DYNC1I1: variants seen among roughly 807,000 people sequenced by gnomAD.
DYNC1I1 encodes the protein cytoplasmic dynein 1 intermediate chain 1.
DYNC1I1 carries 43 observed loss-of-function variants against 86.6 expected under a neutral mutation model. That is an observed-to-expected ratio of 0.50 (90% CI 0.39 to 0.64). The LOEUF (loss-of-function observed/expected upper bound fraction) is 0.64. DYNC1I1 is among the 30% of genes least tolerant of loss of function. The pLI is 0.00. For synonymous variants in DYNC1I1, 262 were observed against 283.7 expected (o/e 0.92, Z 0.77); for missense variants, 604 against 788.8 (o/e 0.77, Z 2.81).
chr7:96,047,006 T>C (rs1178365338), intron 14 of DYNC1I1, among the ~76,000 whole-genome samples: 2 of 152,200 alleles, frequency 1.3e-5, no homozygotes, highest in Non-Finnish European at 2.9e-5. Flanking sequence ...AACAATAGTC[T>C]TTATTGCTCA....
intron 8 of DYNC1I1, among the ~76,000 whole-genome samples, chr7:95,985,911 C>G (rs745583227): frequency 2.6e-5 from 4 of 151,996 alleles, no homozygotes; most frequent in Non-Finnish European, 5.9e-5. Context: ...TATAGATGCT[C>G]TACAATCTTT....
chr7:96,002,205 C>A (rs1173090398), intron 10 of DYNC1I1, among the ~76,000 whole-genome samples: 2 of 152,184 alleles, frequency 1.3e-5, no homozygotes, highest in Non-Finnish European at 2.9e-5. Flanking sequence ...CATCACCTGA[C>A]TGGCTCCTCT....
chr7:95,802,996 A>C (rs1011137360), intron 1 of DYNC1I1, among the ~76,000 whole-genome samples: 3 of 152,090 alleles, frequency 2.0e-5, no homozygotes, highest in Non-Finnish European at 2.9e-5. Context: ...TACTCCACCA[A>C]ACCTTGGTTA....
chr7:95,833,693 G>T (rs1788989315), intron 5 of DYNC1I1, among the ~76,000 whole-genome samples: 1 of 149,964 alleles, frequency 6.7e-6, no homozygotes, highest in East Asian at 2.0e-4. Context: ...CACGTCCCTT[G>T]TAAGTTGGAT....
chr7:95,785,806 T>C (rs571040451), intron 1 of DYNC1I1, among the ~76,000 whole-genome samples: 2 of 103,138 alleles, frequency 1.9e-5, no homozygotes, highest in Admixed American at 9.6e-5. Flanking sequence ...TATATATATA[T>C]ATATATATAT....
At chr7:95,929,449 G>A (rs1283602153) in intron 6 of DYNC1I1, among the ~76,000 whole-genome samples, 1 of 152,112 alleles carries the variant, frequency 6.6e-6, no homozygotes, top group Non-Finnish European at 1.5e-5. Flanking sequence ...GGAGGCTAAA[G>A]CTTGTCATAT....
intron 16 of DYNC1I1, among the ~76,000 whole-genome samples, chr7:96,107,346 G>A (rs192439465): frequency 5.3e-4 from 80 of 151,512 alleles, no homozygotes; most frequent in African/African-American, 1.9e-3. Flanking sequence ...TCATTCATAC[G>A]TTTTGAAGGT....
rs1461596857 is a variant in DYNC1I1 at position 95,846,625 on chromosome 7, C to CTGTGTGTGTGTGTGTGTGTG, written c.374+18510_374+18511insGTGTGTGTGTGTGTGTGTGT. Among the ~76,000 whole-genome samples, 108 of 132,782 alleles carry CTGTGTGTGTGTGTGTGTGTG rather than the reference C, an allele frequency of 8.1e-4. 1 individual carries two copies. The highest frequency in any genetic ancestry group is 1.4e-3 in the Non-Finnish European group (86 of 62,022). The allele number at this position is 132,782 out of a possible 152,430, so 87.1% of individuals were successfully genotyped here. On this transcript the variant is annotated intron_variant, in intron 5 of 16. Coordinates refer to ENST00000447467, the MANE Select transcript of DYNC1I1 (RefSeq NM_001135556.2). The stretch of plus-strand genomic sequence containing the variant: ...CTGAACATAAATGATAAATCTCTCT[C>CTGTGTGTGTGTGTGTGTGTG]TCTGTGTGTGTGTGTGTGTGTGTGT...
At chr7:95,828,175 A>G in intron 5 of DYNC1I1, 59 bp downstream of exon 5, 1 of 1,584,460 alleles carries the variant, frequency 6.3e-7, no homozygotes, top group Non-Finnish European at 8.7e-7. Context: ...TTGTGTTGAA[A>G]TGCTGGAGCT....
chr7:95,962,641 A>G (rs1792900943), intron 6 of DYNC1I1, among the ~76,000 whole-genome samples: 1 of 152,198 alleles, frequency 6.6e-6, no homozygotes, highest in Non-Finnish European at 1.5e-5. Context: ...GTTTCACACA[A>G]CAATTCTGTT....
At position 95,792,220 on chromosome 7, in the gene DYNC1I1, A is replaced by T. The variant is rs534497319; in HGVS notation, c.-9-12501A>T. Reference sequence around the variant, plus strand: ...GCACTATGGTACATGTTCCAGCAGAACTACGTGCAGGGTACTCTAACAGCA... The same window carrying T: ...GCACTATGGTACATGTTCCAGCAGATCTACGTGCAGGGTACTCTAACAGCA... On this transcript the variant is annotated intron_variant, in intron 1 of 16. Coordinates refer to ENST00000447467, the MANE Select transcript of DYNC1I1 (RefSeq NM_001135556.2). 2.0e-5 allele frequency among the ~76,000 whole-genome samples: 3 copies of T among 152,292 alleles called. No individual in the cohort carries two copies. In the East Asian group the frequency reaches 5.8e-4, roughly 29 times the overall value.
chr7:96,044,886 G>T (rs1388817245), intron 14 of DYNC1I1, among the ~76,000 whole-genome samples: 1 of 152,158 alleles, frequency 6.6e-6, no homozygotes, highest in Non-Finnish European at 1.5e-5. Flanking sequence ...TCCAGTTGCG[G>T]TCAGAAACCA....
intron 10 of DYNC1I1, among the ~76,000 whole-genome samples, chr7:96,024,781 T>G (rs939564882): frequency 2.0e-5 from 3 of 152,202 alleles, no homozygotes; most frequent in Non-Finnish European, 4.4e-5. Context: ...CCAATTTTTC[T>G]GAAATGTTTT....
chr7:95,843,455 G>A (rs1475192382), intron 5 of DYNC1I1, among the ~76,000 whole-genome samples: 1 of 152,130 alleles, frequency 6.6e-6, no homozygotes, highest in Non-Finnish European at 1.5e-5. Flanking sequence ...GCAGTTGTAG[G>A]GCTCCTCTTA....
chr7:96,096,760 C>T (rs1348542780), intron 16 of DYNC1I1, among the ~76,000 whole-genome samples: 3 of 152,116 alleles, frequency 2.0e-5, no homozygotes, highest in Admixed American at 6.6e-5. Flanking sequence ...GATGCTCATA[C>T]TGGAACCAGA....
chr7:95,871,153 G>C (rs1225105065), intron 6 of DYNC1I1, among the ~76,000 whole-genome samples: 1 of 152,188 alleles, frequency 6.6e-6, no homozygotes, highest in East Asian at 1.9e-4. Context: ...GAAGTCCGGG[G>C]TGCCGTTAGG....
intron 14 of DYNC1I1, among the ~76,000 whole-genome samples, chr7:96,064,210 ATC>A (rs10557179): frequency 0.016 from 2,267 of 140,840 alleles, 54 homozygotes; most frequent in African/African-American, 0.041. Context: ...AAATATTCAT[ATC>A]TCTCTCTCTC....
At chr7:95,885,913 G>A (rs764897490) in intron 6 of DYNC1I1, among the ~76,000 whole-genome samples, 2 of 152,006 alleles carry the variant, frequency 1.3e-5, no homozygotes, top group Non-Finnish European at 2.9e-5. Context: ...TAATTTTTTG[G>A]CCTCTAACTT....
At chr7:95,787,944 G>T (rs998237473) in intron 1 of DYNC1I1, among the ~76,000 whole-genome samples, 1 of 152,120 alleles carries the variant, frequency 6.6e-6, no homozygotes, top group Non-Finnish European at 1.5e-5. Context: ...ACAGGCAGAG[G>T]GAATAGGAGG....
Sources: gnomAD v4.1 joint callset for allele counts (sites outside exome capture counted in the v4.1 genomes callset) on GRCh38, gnomAD v4.1.1 for gene constraint, MANE v1.5 for transcripts, NCBI Gene and HGNC (gene_info 2026-07-23, HGNC 2026-07-21) for gene names.